Variants in MIPEP observed in about 807,000 individuals in gnomAD.
MIPEP encodes the protein mitochondrial intermediate peptidase.
In MIPEP, 79 loss-of-function variants were observed where a neutral mutation model predicts 90.3. That is an observed-to-expected ratio of 0.87 (90% CI 0.73 to 1.05). The LOEUF is 1.05. Ranked by LOEUF, MIPEP falls within the 50% of genes least tolerant of loss-of-function variation. The pLI, the probability that MIPEP is intolerant of heterozygous loss-of-function variation, is 0.00. For synonymous variants in MIPEP, 334 were observed against 315.8 expected (o/e 1.06, Z -0.61); for missense variants, 940 against 905.6 (o/e 1.04, Z -0.49).
intron 16 of MIPEP, among the ~76,000 whole-genome samples, chr13:23,796,542 C>A (rs1952963702): frequency 6.6e-6 from 1 of 151,698 alleles, no homozygotes; most frequent in Admixed American, 6.6e-5. Context: ...ATGCCATTTT[C>A]TCATGGTAGG....
rs200807793 is a variant in MIPEP at position 23,882,069 on chromosome 13, TTC to T, written c.364-284_364-283del. 4.5e-3 allele frequency among the ~76,000 whole-genome samples: 625 copies of T among 137,910 alleles called. 8 individuals are homozygous for T. The highest frequency in any genetic ancestry group is 0.018 in the African/African-American group (573 of 31,544). The allele number at this position is 137,910 out of a possible 152,430, so 90.5% of individuals were successfully genotyped here. A position where few individuals can be genotyped will look rare whatever the true frequency, so the allele number is the denominator to read the frequency against. ...TATAAACACCAAGCAAATTCTTTCTTTCTTTTTTTTTTTTTTTTGAGACGGAG... is the reference window on the plus strand; with the variant it reads ...TATAAACACCAAGCAAATTCTTTCTTTTTTTTTTTTTTTTTTGAGACGGAG... On this transcript the variant is annotated intron_variant, in intron 2 of 18. Transcript: ENST00000382172.
intron 4 of MIPEP, among the ~76,000 whole-genome samples, chr13:23,878,740 A>C (rs1871165482): frequency 6.6e-6 from 1 of 152,246 alleles, no homozygotes; most frequent in African/African-American, 2.4e-5. Context: ...AATGTAGCCT[A>C]ATGAACCAAA....
intron 14 of MIPEP, among the ~76,000 whole-genome samples, chr13:23,818,056 T>C (rs150990924): frequency 7.2e-5 from 11 of 152,238 alleles, no homozygotes; most frequent in African/African-American, 2.6e-4. Context: ...AGTTGGGCCA[T>C]ACACTTAGTT....
At chr13:23,732,659 T>A (rs929415557) in intron 18 of MIPEP, among the ~76,000 whole-genome samples, 1 of 152,230 alleles carries the variant, frequency 6.6e-6, no homozygotes, top group Non-Finnish European at 1.5e-5. Flanking sequence ...AGAAGCCTTA[T>A]GTGAAGCAGT....
At chr13:23,867,249 G>A (rs987117982) in intron 7 of MIPEP, among the ~76,000 whole-genome samples, 1 of 152,028 alleles carries the variant, frequency 6.6e-6, no homozygotes, top group African/African-American at 2.4e-5. Context: ...CACTCTCCTT[G>A]CACACGCTGC....
intron 3 of MIPEP, 139 bp downstream of exon 3, chr13:23,881,560 C>CG (rs1306343574): frequency 5.7e-6 from 4 of 697,644 alleles, no homozygotes; most frequent in Non-Finnish European, 1.0e-5. Context: ...GCCCTCCCTC[C>CG]GGCCACCCCT....
chr13:23,750,296 C>T (rs544934235), intron 18 of MIPEP, among the ~76,000 whole-genome samples: 1 of 152,250 alleles, frequency 6.6e-6, no homozygotes, highest in East Asian at 1.9e-4. Context: ...ACGATCAAAA[C>T]TAGCTGTCTT....
chr13:23,803,370 C>T (rs1160270576), intron 16 of MIPEP, among the ~76,000 whole-genome samples: 1 of 152,000 alleles, frequency 6.6e-6, no homozygotes, highest in African/African-American at 2.4e-5. Flanking sequence ...CTCAAAACAA[C>T]AACAACAACA....
At chr13:23,760,650 T>G (rs1952532468) in intron 16 of MIPEP, 1 of 491,636 alleles carries the variant, frequency 2.0e-6, no homozygotes, top group Non-Finnish European at 4.2e-6. Context: ...GGTCTGGACT[T>G]CCAGCCTCCA....
intron 16 of MIPEP, among the ~76,000 whole-genome samples, chr13:23,792,352 T>C (rs905322862): frequency 6.6e-6 from 1 of 152,198 alleles, no homozygotes; most frequent in Non-Finnish European, 1.5e-5. Flanking sequence ...CCTGATCTTC[T>C]GCTCTCCCTT....
At chr13:23,780,136 G>C (rs950655911) in intron 16 of MIPEP, among the ~76,000 whole-genome samples, 2 of 152,220 alleles carry the variant, frequency 1.3e-5, no homozygotes, top group Non-Finnish European at 2.9e-5. Flanking sequence ...TTTGAGATCT[G>C]AGAACGGACA....
intron 15 of MIPEP, among the ~76,000 whole-genome samples, chr13:23,809,309 T>C (rs540607255): frequency 2.6e-5 from 4 of 152,264 alleles, no homozygotes; most frequent in African/African-American, 9.6e-5. Context: ...GTGTAAATTT[T>C]CTAAGCTTTC....
At position 23,840,654 on chromosome 13, in the gene MIPEP, C is replaced by T. The variant is rs115987187; in HGVS notation, c.1260+681G>A. On this transcript the variant is annotated intron_variant, in intron 11 of 18. Coordinates refer to ENST00000382172, the MANE Select transcript of MIPEP (RefSeq NM_005932.4). ...CCACACCTACTCTCCACTCACAAGA[C>T]GTGGCCGAGAGACAATGAGACTGTT... Among the ~76,000 whole-genome samples, 771 of 152,264 alleles carry T rather than the reference C, an allele frequency of 5.1e-3. 4 individuals carry two copies. Among genetic ancestry groups the T allele is most frequent in the African/African-American group, 0.018 (739 of 41,554 alleles).
At chr13:23,842,822 G>A (rs908599691) in intron 10 of MIPEP, among the ~76,000 whole-genome samples, 8 of 152,182 alleles carry the variant, frequency 5.3e-5, no homozygotes, top group Admixed American at 3.3e-4. Flanking sequence ...AGAATCGGCC[G>A]GGTGCTGTGG....
At chr13:23,866,436 C>T (rs913475242) in intron 7 of MIPEP, among the ~76,000 whole-genome samples, 4 of 152,172 alleles carry the variant, frequency 2.6e-5, no homozygotes, top group Non-Finnish European at 1.5e-5. Flanking sequence ...CTGCCAGTCA[C>T]GGAATCTGGA....
At chr13:23,760,387 T>A in intron 16 of MIPEP, 170 bp from the exon 17 acceptor site, 1 of 836,872 alleles carries the variant, frequency 1.2e-6, no homozygotes, top group Non-Finnish European at 2.0e-6. Flanking sequence ...TTTTATACAC[T>A]GTTAGGGCTG....
At chr13:23,808,542 G>A (rs1048447391) in intron 15 of MIPEP, among the ~76,000 whole-genome samples, 1 of 152,104 alleles carries the variant, frequency 6.6e-6, no homozygotes, top group Non-Finnish European at 1.5e-5. Flanking sequence ...CTGTCTCTAG[G>A]GGGCTATTGT....
intron 16 of MIPEP, among the ~76,000 whole-genome samples, chr13:23,792,008 C>T (rs529483975): frequency 3.3e-5 from 5 of 152,326 alleles, no homozygotes; most frequent in African/African-American, 1.2e-4. Flanking sequence ...TGCCTTGAAA[C>T]ATTTTCTTCA....
At chr13:23,743,669 AT>A (rs1952355070) in intron 18 of MIPEP, among the ~76,000 whole-genome samples, 1 of 152,220 alleles carries the variant, frequency 6.6e-6, no homozygotes, top group African/African-American at 2.4e-5. Flanking sequence ...CTGTTTACAC[AT>A]TAGTTTATTT....
Sources: gnomAD v4.1 joint callset for allele counts (sites outside exome capture counted in the v4.1 genomes callset) on GRCh38, gnomAD v4.1.1 for gene constraint, MANE v1.5 for transcripts, NCBI Gene and HGNC (gene_info 2026-07-23, HGNC 2026-07-21) for gene names.